SREBF1: variants seen among roughly 807,000 people sequenced by gnomAD.
SREBF1 encodes the protein sterol regulatory element binding transcription factor 1, also known as sterol regulatory element-binding protein 1.
In SREBF1, 45 loss-of-function variants were observed where a neutral mutation model predicts 100.1. That is an observed-to-expected ratio of 0.45 (90% CI 0.35 to 0.58). The LOEUF is 0.58. Ranked by LOEUF, SREBF1 falls within the 20% of genes least tolerant of loss-of-function variation. The probability of loss-of-function intolerance (pLI) is 0.00; values close to 1 mark genes in which losing one functional copy is unlikely to be tolerated. For synonymous variants in SREBF1, 657 were observed against 681.8 expected (o/e 0.96, Z 0.57); for missense variants, 1,324 against 1,539.4 (o/e 0.86, Z 2.34).
intron 5 of SREBF1, 193 bp downstream of exon 5, chr17:17,818,820 C>A: frequency 1.5e-6 from 1 of 682,006 alleles, no homozygotes; most frequent in Non-Finnish European, 2.6e-6. Flanking sequence ...ATGCCTAGCA[C>A]AGCCCCACCT....
rs766399427 is a variant in SREBF1 at position 17,819,133 on chromosome 17, G to T, written c.948C>A (p.Ala316=). The T allele has an allele frequency of 6.8e-6, 11 of 1,614,058 alleles. No homozygotes were observed. The Admixed American group carries it at 1.7e-4, about 24-fold the overall frequency. Residue 316 remains alanine (A), a synonymous_variant, in exon 5 of 19, where the codon GCC becomes GCA. Coordinates refer to ENST00000261646, the MANE Select transcript of SREBF1 (RefSeq NM_004176.5). ...GCTTCTCTCCACGGCTCTGGGCAGA[G>T]GCCGGGGCCTTGCTGCCAGCTGCGA... ...NRLAAGSKAP[A]SAQSRGEKRT...
At position 17,813,674 on chromosome 17, in the gene SREBF1, G is replaced by A; in HGVS notation, c.2997C>T (p.Gly999=). 3 of 1,549,036 alleles carry A rather than the reference G, an allele frequency of 1.9e-6. No individual in the cohort carries two copies. Among genetic ancestry groups the A allele is most frequent in the South Asian group, 1.2e-5 (1 of 85,200 alleles). The change falls in exon 17 of 19, where the codon GGC becomes GGT. Residue 999 remains glycine, a synonymous_variant. Coordinates refer to ENST00000261646, the MANE Select transcript of SREBF1 (RefSeq NM_004176.5). ...QPPAPAPAAQ[G]TSSRPQASAL... The stretch of plus-strand genomic sequence containing the variant: ...CGGAAGCCTGGGGCCTGCTGCTGGT[G>A]CCCTGGGCTGCTGGGGCCGGGGCCG...
intron 1 of SREBF1, among the ~76,000 whole-genome samples, chr17:17,830,900 C>T (rs568942929): frequency 3.3e-5 from 5 of 152,320 alleles, no homozygotes; most frequent in African/African-American, 1.2e-4. Context: ...GTCCACATGG[C>T]CCGTGGCTGC....
intron 1 of SREBF1, among the ~76,000 whole-genome samples, chr17:17,825,381 T>A (rs1028474653): frequency 2.0e-5 from 3 of 152,048 alleles, no homozygotes; most frequent in Non-Finnish European, 4.4e-5. Flanking sequence ...AGCAGAGTCA[T>A]TAAAGACTCT....
At chr17:17,815,091 G>A (rs1053433201) in intron 13 of SREBF1, 130 bp downstream of exon 13, 45 of 1,228,466 alleles carry the variant, frequency 3.7e-5, no homozygotes, top group Non-Finnish European at 5.1e-5. Flanking sequence ...AGGAAACTCA[G>A]AGAGGAATGA....
In SREBF1 at chr17:17,836,767, C is replaced by A. The variant is rs1298148774; in HGVS notation, c.51G>T (p.Glu17Asp). ...GCAGCGCCGCGTCCAGATCGCACGGCTCGCCCAGCGCCTGCTCCAAAGCCG... is the reference window on the plus strand; with the variant it reads ...GCAGCGCCGCGTCCAGATCGCACGGATCGCCCAGCGCCTGCTCCAAAGCCG... ...SEAALEQALG[E>D]PCDLDAALLT... Residue 17 changes from glutamate to aspartate, a missense_variant, in exon 1 of 19, where the codon GAG becomes GAT. Transcript: ENST00000261646. The A allele has an allele frequency of 6.4e-7, 1 of 1,570,452 alleles. No homozygotes were observed. Among genetic ancestry groups the A allele is most frequent in the East Asian group, 2.3e-5 (1 of 43,360 alleles).
chr17:17,815,950 G>A lies in SREBF1; in HGVS notation c.2293C>T (p.His765Tyr). 1.2e-6 allele frequency: 2 copies of A among 1,612,902 alleles called. No individual in the cohort carries two copies. Among genetic ancestry groups the A allele is most frequent in the Non-Finnish European group, 1.7e-6 (2 of 1,179,920 alleles). Residue 765 changes from histidine (H) to tyrosine (Y), a missense_variant, in exon 12 of 19, where the codon CAC (histidine) becomes TAC (tyrosine). Transcript: ENST00000261646. ...SVPPAMQWLCHPVGHRFFVDG... is the reference protein window; with the variant it reads ...SVPPAMQWLCYPVGHRFFVDG... ...ACGAAGAAACGGTGGCCCACGGGGT[G>A]GCAGAGCCACTGCATGGCAGGAGGC...
Position 17,819,336 on chromosome 17 carries a change from T to G in SREBF1, c.830A>C (p.Gln277Pro), listed in dbSNP as rs932095274. Reference protein sequence around the residue: ...LSPLVSGTTVQTGPLPTLVSG... With the variant: ...LSPLVSGTTVPTGPLPTLVSG... Reference sequence around the variant, plus strand: ...GTCACCCACCGGCAAAGGCCCTGTCTGCACAGTGGTGCCAGAGACCAGGGG... The same window carrying G: ...GTCACCCACCGGCAAAGGCCCTGTCGGCACAGTGGTGCCAGAGACCAGGGG... Residue 277 changes from glutamine to proline, a missense_variant, in exon 4 of 19, where the codon CAG becomes CCG. By Grantham distance (76) the Gln-to-Pro change is moderately conservative. Coordinates refer to ENST00000261646, the MANE Select transcript of SREBF1 (RefSeq NM_004176.5). 23 of 1,613,832 alleles carry G rather than the reference T, an allele frequency of 1.4e-5. No homozygotes were observed. Among genetic ancestry groups the G allele is most frequent in the Non-Finnish European group, 1.7e-5 (20 of 1,180,042 alleles).
At chr17:17,822,330 A>G (rs2034157179) in intron 1 of SREBF1, among the ~76,000 whole-genome samples, 1 of 152,266 alleles carries the variant, frequency 6.6e-6, no homozygotes, top group Non-Finnish European at 1.5e-5. Flanking sequence ...CCACATGGCC[A>G]ACCAGTGTGT....
chr17:17,819,805 A>T, intron 2 of SREBF1, 80 bp from the exon 3 acceptor site: 1 of 1,483,242 alleles, frequency 6.7e-7, no homozygotes, highest in Non-Finnish European at 9.0e-7. Context: ...TCTATCACCG[A>T]CTGGCCTTGG....
intron 18 of SREBF1, 65 bp from the exon 19 acceptor site, chr17:17,812,916 C>A: frequency 3.6e-6 from 5 of 1,398,692 alleles, no homozygotes; most frequent in Non-Finnish European, 4.7e-6. Flanking sequence ...GGAGCCCTGC[C>A]CACACACAAG....
At position 17,814,353 on chromosome 17, in the gene SREBF1, G is replaced by A. The variant is rs2033302866; in HGVS notation, c.2793C>T (p.Gly931=). The change falls in exon 16 of 19, where the codon GGC becomes GGT. Residue 931 remains glycine, a synonymous_variant. Coordinates refer to ENST00000261646, the MANE Select transcript of SREBF1 (RefSeq NM_004176.5). ...CTGGACCAGACTCTGCCTTGGCACA[G>A]CCCAGCAGGGCCCGGGCAGCCTTGA... is the stretch of plus-strand genomic sequence containing the variant. ...HSFKAARALL[G]CAKAESGPAS... is the part of the protein sequence containing the mutation. The A allele has an allele frequency of 6.3e-7, 1 of 1,574,810 alleles. No individual in the cohort carries two copies. The highest frequency in any genetic ancestry group is 2.3e-5 in the East Asian group (1 of 43,292).
chr17:17,828,073 C>T (rs1296488796), intron 1 of SREBF1, among the ~76,000 whole-genome samples: 1 of 152,220 alleles, frequency 6.6e-6, no homozygotes, highest in East Asian at 1.9e-4. Context: ...CAGCACAGGG[C>T]TGACCACAGC....
rs2033875296 is a variant in SREBF1 at position 17,819,074 on chromosome 17, C to T, written c.1007G>A (p.Arg336His). The change falls in exon 5 of 19, where the codon CGC (arginine) becomes CAC (histidine). Residue 336 changes from arginine (R) to histidine (H), a missense_variant. Arg to His is a conservative substitution (Grantham distance 29). Coordinates refer to ENST00000261646, the MANE Select transcript of SREBF1 (RefSeq NM_004176.5). Reference protein sequence around the residue: ...TAHNAIEKRYRSSINDKIIEL... With the variant: ...TAHNAIEKRYHSSINDKIIEL... ...AATGATTTTGTCATTGATGGAGGAGCGGTAGCGCTTCTCAATGGCGTTGTG... is the reference window on the plus strand; with the variant it reads ...AATGATTTTGTCATTGATGGAGGAGTGGTAGCGCTTCTCAATGGCGTTGTG... 17 of 1,613,890 alleles carry T rather than the reference C, an allele frequency of 1.1e-5. No individual in the cohort carries two copies. Among genetic ancestry groups the T allele is most frequent in the Non-Finnish European group, 1.3e-5 (15 of 1,180,056 alleles).
rs764883056 is a variant in SREBF1, at chr17:17,817,618, A to G, written c.1404+78T>C. Reference sequence around the variant, plus strand: ...TATGAAATGGGAGGTAGGATCTGTTAGGGTCTTCCCGGCCCTGTCATGAGG... The same window carrying G: ...TATGAAATGGGAGGTAGGATCTGTTGGGGTCTTCCCGGCCCTGTCATGAGG... On this transcript the variant is annotated intron_variant, in intron 7 of 18. Coordinates refer to ENST00000261646, the MANE Select transcript of SREBF1 (RefSeq NM_004176.5). This position sits in a 1 kb window ranked among gnomAD's most constrained non-coding sequence, Gnocchi z 6.6. 6 of 1,585,140 alleles carry G rather than the reference A, an allele frequency of 3.8e-6. No homozygotes were observed. The highest frequency in any genetic ancestry group is 5.2e-6 in the Non-Finnish European group (6 of 1,158,900).
intron 14 of SREBF1, 42 bp from the exon 15 acceptor site, chr17:17,814,789 C>A (rs2033363003): frequency 6.2e-7 from 1 of 1,609,938 alleles, no homozygotes; most frequent in Non-Finnish European, 8.5e-7. Flanking sequence ...AGTCACGCTG[C>A]ACGGGGGAGC....
Position 17,817,199 on chromosome 17 carries a change from G to A in SREBF1, c.1606+57C>T. 1 of 1,611,160 alleles carries A rather than the reference G, an allele frequency of 6.2e-7. No homozygotes were observed. On this transcript the variant is annotated intron_variant, in intron 8 of 18. Coordinates refer to ENST00000261646, the MANE Select transcript of SREBF1 (RefSeq NM_004176.5). This position sits in a 1 kb window ranked among gnomAD's most constrained non-coding sequence, Gnocchi z 6.6. ...GAAATCCAGAGCCCCAAGTTCACAA[G>A]CCTGGGGGCTCACCCCGAGTGTCCC...
At chr17:17,813,133 C>CTTTT in intron 18 of SREBF1, 1 of 566,304 alleles carries the variant, frequency 1.8e-6, no homozygotes. Context: ...GATGCTTGGT[C>CTTTT]TTTTTTTTTT....
At chr17:17,836,608 C>T (rs2035254844) in intron 1 of SREBF1, 119 bp downstream of exon 1, 1 of 1,030,908 alleles carries the variant, frequency 9.7e-7, no homozygotes, top group Non-Finnish European at 1.4e-6. Flanking sequence ...ACCGGGAAGT[C>T]CCGCGCGAGC....
Sources: allele counts gnomAD v4.1 joint callset (sites outside exome capture counted in the v4.1 genomes callset), GRCh38; gene constraint gnomAD v4.1.1; non-coding constraint Gnocchi (gnomAD v3.1); transcripts MANE v1.5; gene names NCBI Gene and HGNC (gene_info 2026-07-23, HGNC 2026-07-21).